Variants in DGKB observed in about 807,000 individuals in gnomAD.
DGKB encodes the protein diacylglycerol kinase beta.
Under a neutral mutation model 114.3 loss-of-function variants are expected in DGKB, and 67 were observed. The observed-to-expected ratio is 0.59, with a 90% confidence interval of 0.48 to 0.72. The LOEUF is 0.72. Ranked by LOEUF, DGKB falls within the 30% of genes least tolerant of loss-of-function variation. The pLI is 0.00. For missense variants in DGKB, 907 were observed against 975.2 expected, an observed-to-expected ratio of 0.93 and a Z score of 0.93; for synonymous variants, 398 against 323.1, an observed-to-expected ratio of 1.23 and a Z score of -2.49.
At chr7:14,438,945 A>C (rs189099708) in intron 21 of DGKB, among the ~76,000 whole-genome samples, 3 of 151,708 alleles carry the variant, frequency 2.0e-5, no homozygotes, top group African/African-American at 7.3e-5. Flanking sequence ...TTAACATTTC[A>C]AATCCTATAT....
intron 1 of DGKB, among the ~76,000 whole-genome samples, chr7:14,969,018 G>C (rs1245202541): frequency 6.6e-6 from 1 of 152,060 alleles, no homozygotes; most frequent in African/African-American, 2.4e-5. Flanking sequence ...CATTTATTTT[G>C]ATGATTTATT....
chr7:14,887,673 T>C (rs1026494567), intron 1 of DGKB, among the ~76,000 whole-genome samples: 4 of 151,812 alleles, frequency 2.6e-5, no homozygotes, highest in Admixed American at 2.6e-4. Flanking sequence ...AATAGCACAT[T>C]AATTAAAACA....
chr7:14,625,245 G>A (rs1055974686), intron 14 of DGKB, among the ~76,000 whole-genome samples: 14 of 152,052 alleles, frequency 9.2e-5, no homozygotes, highest in Non-Finnish European at 1.3e-4. Flanking sequence ...TTTCTTTGGG[G>A]AAAAATGCAA....
intron 20 of DGKB, among the ~76,000 whole-genome samples, chr7:14,547,799 G>A (rs1007496726): frequency 9.2e-5 from 14 of 152,086 alleles, no homozygotes; most frequent in African/African-American, 3.4e-4. Context: ...GAAAGTTCAT[G>A]TCCTAGAAAT....
intron 23 of DGKB, among the ~76,000 whole-genome samples, chr7:14,274,013 T>C (rs1379424522): frequency 6.6e-6 from 1 of 152,232 alleles, no homozygotes; most frequent in East Asian, 1.9e-4. Flanking sequence ...TGTGGGAGAT[T>C]ATTCTAGACC....
intron 1 of DGKB, among the ~76,000 whole-genome samples, chr7:14,858,444 G>A (rs1850495472): frequency 6.6e-6 from 1 of 152,090 alleles, no homozygotes; most frequent in South Asian, 2.1e-4. Flanking sequence ...AATATGTACA[G>A]AAAAATATGA....
At chr7:14,295,753 C>T (rs1456215727) in intron 23 of DGKB, among the ~76,000 whole-genome samples, 1 of 152,020 alleles carries the variant, frequency 6.6e-6, no homozygotes, top group East Asian at 1.9e-4. Flanking sequence ...ATGTGCAGAA[C>T]ATGCAGGTTT....
At chr7:14,257,097 A>G (rs957403980) in intron 23 of DGKB, among the ~76,000 whole-genome samples, 1 of 152,280 alleles carries the variant, frequency 6.6e-6, no homozygotes, top group Admixed American at 6.5e-5. Context: ...CAGGAATTCA[A>G]GGTTACAGTG....
chr7:14,259,253 T>A (rs1333492770), intron 23 of DGKB, among the ~76,000 whole-genome samples: 1 of 152,154 alleles, frequency 6.6e-6, no homozygotes, highest in African/African-American at 2.4e-5. Flanking sequence ...AAAGCCTATT[T>A]TATATATTTA....
chr7:14,927,161 T>C (rs1020462565), intron 1 of DGKB, among the ~76,000 whole-genome samples: 2 of 152,034 alleles, frequency 1.3e-5, no homozygotes, highest in East Asian at 3.9e-4. Context: ...CTTTTACTTA[T>C]CTATATAAAT....
chr7:14,253,233 C>T (rs1027107848), intron 23 of DGKB, among the ~76,000 whole-genome samples: 5 of 152,070 alleles, frequency 3.3e-5, no homozygotes, highest in African/African-American at 1.2e-4. Context: ...CGGGGTTTCA[C>T]CATATTGGCC....
At chr7:14,277,255 C>T (rs1426578058) in intron 23 of DGKB, among the ~76,000 whole-genome samples, 1 of 152,086 alleles carries the variant, frequency 6.6e-6, no homozygotes, top group African/African-American at 2.4e-5. Context: ...ACTGCAACCT[C>T]CACCTCCCAG....
In DGKB at chr7:14,188,389, G is replaced by A. The variant is rs992598960; in HGVS notation, c.2123-10238C>T. Among the ~76,000 whole-genome samples the A allele has an allele frequency of 1.7e-4, 20 of 120,620 alleles. 1 individual carries two copies. The highest frequency in any genetic ancestry group is 3.1e-4 in the Non-Finnish European group (17 of 54,232). 79.1% of individuals were successfully genotyped at this position (120,620 alleles called of 152,430 possible). ...AAAAGATCCCCAATTGGCCGGGCGC[G>A]GTGGCTCACGCCTGTAATCCCAGCA... On this transcript the variant is annotated intron_variant, in intron 23 of 25. Transcript: ENST00000402815.
At chr7:14,872,498 T>C (rs1387109601) in intron 1 of DGKB, among the ~76,000 whole-genome samples, 2 of 152,172 alleles carry the variant, frequency 1.3e-5, no homozygotes, top group Non-Finnish European at 2.9e-5. Context: ...CCTTATGTTA[T>C]ATGCACTCTC....
At chr7:14,652,909 C>T (rs1814898190) in intron 13 of DGKB, among the ~76,000 whole-genome samples, 2 of 152,046 alleles carry the variant, frequency 1.3e-5, no homozygotes, top group Non-Finnish European at 2.9e-5. Context: ...AAAAAATGCT[C>T]ATCATCACTG....
intron 23 of DGKB, among the ~76,000 whole-genome samples, chr7:14,218,859 C>T (rs1789448827): frequency 6.6e-6 from 1 of 151,728 alleles, no homozygotes; most frequent in Admixed American, 6.6e-5. Context: ...AGAACATTTT[C>T]ATCACTTCAG....
intron 9 of DGKB, among the ~76,000 whole-genome samples, chr7:14,691,702 A>G (rs548341555): frequency 6.6e-6 from 1 of 152,260 alleles, no homozygotes; most frequent in East Asian, 1.9e-4. Context: ...ACAAAAATGA[A>G]AGAAAAGGGA....
intron 23 of DGKB, among the ~76,000 whole-genome samples, chr7:14,323,506 G>A (rs955898031): frequency 6.6e-6 from 1 of 152,170 alleles, no homozygotes. Flanking sequence ...ATTTTAGACA[G>A]GGAATCAGAG....
intron 23 of DGKB, among the ~76,000 whole-genome samples, chr7:14,199,205 T>C (rs1785466790): frequency 6.6e-6 from 1 of 152,080 alleles, no homozygotes; most frequent in Non-Finnish European, 1.5e-5. Context: ...TATTCCACTT[T>C]TGATAGACAA....
Sources: allele counts gnomAD v4.1 joint callset (sites outside exome capture counted in the v4.1 genomes callset), GRCh38; gene constraint gnomAD v4.1.1; transcripts MANE v1.5; gene names NCBI Gene and HGNC (gene_info 2026-07-23, HGNC 2026-07-21).